IQSEC1: variants seen among roughly 807,000 people sequenced by gnomAD.
The protein encoded by IQSEC1 is IQ motif and Sec7 domain ArfGEF 1.
IQSEC1 carries 31 observed loss-of-function variants against 91.0 expected under a neutral mutation model. The ratio of observed to expected loss-of-function variants is 0.34; its 90% CI spans 0.26 to 0.46. The LOEUF (loss-of-function observed/expected upper bound fraction) is 0.46. IQSEC1 is among the 20% of genes least tolerant of loss of function. The pLI is 1.00. For missense variants in IQSEC1, 1,388 were observed against 1,575.6 expected (o/e 0.88, Z 2.02); for synonymous variants, 699 against 662.6 (o/e 1.05, Z -0.84).
At chr3:13,009,490 C>A (rs1478772924) in intron 1 of IQSEC1, among the ~76,000 whole-genome samples, 1 of 152,010 alleles carries the variant, frequency 6.6e-6, no homozygotes, top group East Asian at 1.9e-4. Flanking sequence ...GCCAGGTGGG[C>A]GGCCAACTCC....
chr3:13,079,309 G>A (rs1705612970), intron 2 of IQSEC1, among the ~76,000 whole-genome samples: 1 of 152,260 alleles, frequency 6.6e-6, no homozygotes, highest in Admixed American at 6.5e-5. Context: ...GCTGACCAAT[G>A]CTTGCTTTGG....
intron 1 of IQSEC1, among the ~76,000 whole-genome samples, chr3:13,280,769 T>C (rs1347770630): frequency 2.0e-5 from 3 of 152,200 alleles, no homozygotes; most frequent in African/African-American, 7.2e-5. Flanking sequence ...ACATTCAAGT[T>C]TGGAAGCTGT....
intron 1 of IQSEC1, among the ~76,000 whole-genome samples, chr3:13,045,199 C>T (rs1368840575): frequency 3.3e-5 from 5 of 152,228 alleles, no homozygotes; most frequent in African/African-American, 1.2e-4. Context: ...CCTGTGCTTC[C>T]AGGCCCAGAG....
intron 1 of IQSEC1, among the ~76,000 whole-genome samples, chr3:13,198,772 C>T (rs1415959560): frequency 6.6e-6 from 1 of 152,200 alleles, no homozygotes; most frequent in Non-Finnish European, 1.5e-5. Context: ...CCCAAAGCAC[C>T]CAACACAGCA....
intron 1 of IQSEC1, among the ~76,000 whole-genome samples, chr3:13,048,799 G>A (rs1463959369): frequency 3.3e-5 from 5 of 152,072 alleles, no homozygotes; most frequent in Admixed American, 6.5e-5. Context: ...TGCTCCACAC[G>A]CCATCCCTTA....
chr3:13,232,087 T>C (rs1451337996), intron 1 of IQSEC1, among the ~76,000 whole-genome samples: 1 of 152,242 alleles, frequency 6.6e-6, no homozygotes, highest in Non-Finnish European at 1.5e-5. Context: ...TACTTTATAA[T>C]AGTTAGGGCA....
At chr3:13,153,149 C>A (rs1707028339) in intron 2 of IQSEC1, among the ~76,000 whole-genome samples, 1 of 151,752 alleles carries the variant, frequency 6.6e-6, no homozygotes, top group Non-Finnish European at 1.5e-5. Flanking sequence ...GGCTAGGGCT[C>A]CTCTCTCAGG....
intron 1 of IQSEC1, among the ~76,000 whole-genome samples, chr3:13,239,479 C>A (rs1350027440): frequency 1.3e-5 from 2 of 152,270 alleles, no homozygotes; most frequent in Non-Finnish European, 2.9e-5. Context: ...GACAGAAAGA[C>A]CCTCGTGTTC....
intron 1 of IQSEC1, among the ~76,000 whole-genome samples, chr3:13,168,104 G>A (rs1693532568): frequency 1.3e-5 from 2 of 152,174 alleles, no homozygotes. Flanking sequence ...TCCTGGCTAT[G>A]GGACATCCAA....
intron 1 of IQSEC1, among the ~76,000 whole-genome samples, chr3:12,985,356 G>A (rs1054549033): frequency 1.3e-5 from 2 of 152,200 alleles, no homozygotes; most frequent in African/African-American, 4.8e-5. Context: ...TGGCAGTCAG[G>A]CTGGGCCCGA....
intron 1 of IQSEC1, among the ~76,000 whole-genome samples, chr3:13,047,237 C>T (rs185573441): frequency 2.6e-3 from 401 of 152,280 alleles, no homozygotes; most frequent in Non-Finnish European, 3.4e-3. Flanking sequence ...TCTTTGGGGG[C>T]AGAACTTCGA....
chr3:13,281,444 C>A (rs1435256093), intron 1 of IQSEC1, among the ~76,000 whole-genome samples: 1 of 136,244 alleles, frequency 7.3e-6, no homozygotes, highest in Non-Finnish European at 1.6e-5. Context: ...CTGACACCCA[C>A]GCCTGCCACG....
At chr3:13,171,325 C>T (rs903665721) in intron 1 of IQSEC1, among the ~76,000 whole-genome samples, 11 of 152,306 alleles carry the variant, frequency 7.2e-5, no homozygotes, top group African/African-American at 2.6e-4. Context: ...TTCCTAAACG[C>T]TGTAATTGAC....
At chr3:13,062,010 C>T (rs360759) in intron 1 of IQSEC1, among the ~76,000 whole-genome samples, 62,940 of 151,980 alleles carry the variant, frequency 0.41, 14,038 homozygotes, top group East Asian at 0.67. Flanking sequence ...GCTGAAGCCT[C>T]CACACAGGAA....
chr3:13,102,657 C>T (rs1706085161), intron 2 of IQSEC1, among the ~76,000 whole-genome samples: 2 of 152,170 alleles, frequency 1.3e-5, no homozygotes, highest in South Asian at 2.1e-4. Context: ...GCTCCCCTCA[C>T]GTCACATGCT....
intron 2 of IQSEC1, among the ~76,000 whole-genome samples, chr3:13,160,273 G>A (rs987132281): frequency 2.0e-5 from 3 of 152,086 alleles, no homozygotes; most frequent in African/African-American, 7.2e-5. Flanking sequence ...GGGACCTTGG[G>A]GCAGGGCAAG....
chr3:12,911,691 G>A lies in IQSEC1; in HGVS notation c.2354C>T (p.Thr785Met), dbSNP rs777516598. ...GGAGAAGGACTGTCGGAAGCTGTAC[G>A]TCACCGAGTTCTTCTTCTTCTGGAA... Reference protein sequence around the residue: ...KIFQKKKNSVTYSFRQSFSLY... With the variant: ...KIFQKKKNSVMYSFRQSFSLY... The change falls in exon 10 of 14, where the codon ACG (threonine) becomes ATG (methionine). Residue 785 changes from threonine to methionine, a missense_variant. This residue lies in a region of IQSEC1 where 1,059 missense variants were observed against 1,317.8 expected (regional missense o/e 0.80). Transcript: ENST00000613206. 1.1e-5 allele frequency: 17 copies of A among 1,613,670 alleles called. No homozygotes were observed. Among genetic ancestry groups the A allele is most frequent in the South Asian group, 2.2e-5 (2 of 91,084 alleles).
chr3:13,196,796 G>T (rs1363757181), intron 1 of IQSEC1, among the ~76,000 whole-genome samples: 3 of 151,742 alleles, frequency 2.0e-5, no homozygotes, highest in Admixed American at 6.6e-5. Context: ...GTGTGGTGGG[G>T]AGCAGGCTGG....
At chr3:13,163,343 T>C (rs1297153320) in intron 2 of IQSEC1, among the ~76,000 whole-genome samples, 1 of 152,148 alleles carries the variant, frequency 6.6e-6, no homozygotes, top group Non-Finnish European at 1.5e-5. Flanking sequence ...CCCTAAGACC[T>C]GGAAGTCCAT....
Sources: allele counts gnomAD v4.1 joint callset (sites outside exome capture counted in the v4.1 genomes callset), GRCh38; gene constraint gnomAD v4.1.1; regional missense constraint gnomAD v4.1.1; transcripts MANE v1.5; gene names NCBI Gene and HGNC (gene_info 2026-07-23, HGNC 2026-07-21).